SLC14A2: variants seen among roughly 807,000 people sequenced by gnomAD.
SLC14A2 encodes solute carrier family 14 member 2, also known as urea transporter 2.
SLC14A2 carries 91 observed loss-of-function variants against 104.6 expected under a neutral mutation model. That is an observed-to-expected ratio of 0.87 (90% CI 0.73 to 1.04). The LOEUF (loss-of-function observed/expected upper bound fraction) is 1.04, where lower values mean the gene tolerates loss of function less well. Ranked by LOEUF, SLC14A2 falls within the 50% of genes least tolerant of loss-of-function variation. SLC14A2 has a pLI of 0.00. For synonymous variants in SLC14A2, 476 were observed against 466.4 expected, an observed-to-expected ratio of 1.02 and a Z score of -0.27; for missense variants, 1,189 against 1,156.0, an observed-to-expected ratio of 1.03 and a Z score of -0.41.
intron 4 of SLC14A2, among the ~76,000 whole-genome samples, chr18:45,628,575 G>T (rs772563145): frequency 6.6e-6 from 1 of 152,104 alleles, no homozygotes; most frequent in African/African-American, 2.4e-5. Context: ...TGCTTCTGAT[G>T]GTCAGAGAAG....
At position 45,333,679 on chromosome 18, in the gene SLC14A2, A is replaced by G. The variant is rs916910556; in HGVS notation, c.-125+120488A>G. 5.3e-5 allele frequency among the ~76,000 whole-genome samples: 8 copies of G among 152,294 alleles called. No individual in the cohort carries two copies. In the East Asian group the frequency reaches 9.6e-4, roughly 18 times the overall value. Reference sequence around the variant, plus strand: ...AGGGGTGTAAACTCCTGCTCTGTCTAAAGGAGCTTATGCCACTTATAGCCA... The same window carrying G: ...AGGGGTGTAAACTCCTGCTCTGTCTGAAGGAGCTTATGCCACTTATAGCCA... On this transcript the variant is annotated intron_variant, in intron 1 of 20. Coordinates refer to the SLC14A2 transcript ENST00000586448.
the SLC14A2 span, among the ~76,000 whole-genome samples, chr18:45,177,549 G>A: frequency 1.3e-3 from 203 of 152,016 alleles, no homozygotes; most frequent in Non-Finnish European, 2.6e-3. Context: ...CCTGTTTCCC[G>A]CATCTGGAAT....
At chr18:45,244,875 CATCT>C (rs1262892502) in intron 1 of SLC14A2, among the ~76,000 whole-genome samples, 1 of 152,178 alleles carries the variant, frequency 6.6e-6, no homozygotes, top group Non-Finnish European at 1.5e-5. Flanking sequence ...TTCATTCATC[CATCT>C]GTCTATTCAT....
intron 1 of SLC14A2, among the ~76,000 whole-genome samples, chr18:45,343,696 T>C (rs1202664023): frequency 1.3e-5 from 2 of 152,224 alleles, no homozygotes; most frequent in African/African-American, 2.4e-5. Context: ...CTCTCTTGCC[T>C]TTGTGAAGCC....
At chr18:45,497,342 C>T (rs1598918123) in intron 2 of SLC14A2, among the ~76,000 whole-genome samples, 2 of 152,248 alleles carry the variant, frequency 1.3e-5, no homozygotes, top group South Asian at 4.2e-4. Context: ...CTGTGTTAGG[C>T]CAGTGAGGAT....
chr18:45,652,783 C>A (rs2045763155), intron 10 of SLC14A2, among the ~76,000 whole-genome samples: 1 of 152,136 alleles, frequency 6.6e-6, no homozygotes, highest in South Asian at 2.1e-4. Context: ...AAGATTATAT[C>A]TTGGCCTTCT....
intron 2 of SLC14A2, among the ~76,000 whole-genome samples, chr18:45,599,498 T>G (rs555849869): frequency 6.6e-6 from 1 of 152,332 alleles, no homozygotes; most frequent in Admixed American, 6.5e-5. Context: ...AGTCAGGACT[T>G]AGGAAGTGAG....
At chr18:45,645,380 C>A (rs1333490608) in intron 10 of SLC14A2, among the ~76,000 whole-genome samples, 1 of 151,900 alleles carries the variant, frequency 6.6e-6, no homozygotes, top group African/African-American at 2.4e-5. Context: ...TGGGACAAAT[C>A]AAACCAGCAT....
the SLC14A2 span, among the ~76,000 whole-genome samples, chr18:45,183,762 T>C: frequency 1.8e-4 from 28 of 151,824 alleles, no homozygotes; most frequent in African/African-American, 6.5e-4. Flanking sequence ...GACAGGGCCT[T>C]GCTCTGTGGC....
At chr18:45,634,782 G>A (rs565226193) in intron 5 of SLC14A2, 1 of 456,452 alleles carries the variant, frequency 2.2e-6, no homozygotes, top group Non-Finnish European at 4.4e-6. Context: ...GAGATGTGAT[G>A]GGATATGGTT....
intron 1 of SLC14A2, among the ~76,000 whole-genome samples, chr18:45,391,442 G>T (rs1483873561): frequency 2.0e-5 from 3 of 152,192 alleles, no homozygotes; most frequent in African/African-American, 7.2e-5. Flanking sequence ...TATATACCCA[G>T]TAATGGGATG....
intron 1 of SLC14A2, among the ~76,000 whole-genome samples, chr18:45,261,892 G>A (rs964972654): frequency 7.2e-5 from 11 of 152,310 alleles, no homozygotes; most frequent in Admixed American, 5.9e-4. Context: ...CTTTATAGCA[G>A]CATGATTTAT....
chr18:45,447,824 CT>C (rs1172754643), intron 1 of SLC14A2, among the ~76,000 whole-genome samples: 2 of 152,160 alleles, frequency 1.3e-5, no homozygotes, highest in Non-Finnish European at 2.9e-5. Flanking sequence ...CCTGAATTTT[CT>C]TTTAGTGGTA....
At chr18:45,416,913 G>C (rs1195261410) in intron 1 of SLC14A2, among the ~76,000 whole-genome samples, 1 of 152,208 alleles carries the variant, frequency 6.6e-6, no homozygotes, top group South Asian at 2.1e-4. Context: ...ATCATCTGAG[G>C]AGGGAAAATG....
intron 1 of SLC14A2, among the ~76,000 whole-genome samples, chr18:45,618,669 CAAAAAAAAA>C (rs60728655): frequency 0.19 from 9,366 of 50,616 alleles, 361 homozygotes; most frequent in South Asian, 0.32. Flanking sequence ...AACTCTGTCT[CAAAAAAAAA>C]AAAAAAAAAA....
chr18:45,404,085 TA>T (rs1404910685), intron 1 of SLC14A2, among the ~76,000 whole-genome samples: 11 of 152,228 alleles, frequency 7.2e-5, no homozygotes, highest in Non-Finnish European at 1.0e-4. Context: ...GTTTGGGCAT[TA>T]AAACTCTATT....
intron 1 of SLC14A2, among the ~76,000 whole-genome samples, chr18:45,225,224 C>T (rs12962641): frequency 0.31 from 47,137 of 151,792 alleles, 7,773 homozygotes; most frequent in African/African-American, 0.43. Context: ...AGCCAGTTTT[C>T]CCAGCACCAT....
chr18:45,584,465 T>C (rs1986406), intron 2 of SLC14A2, among the ~76,000 whole-genome samples: 41,188 of 152,120 alleles, frequency 0.27, 6,261 homozygotes, highest in South Asian at 0.36. Context: ...GCAGTTTTTT[T>C]CTCTGCACCA....
intron 10 of SLC14A2, among the ~76,000 whole-genome samples, chr18:45,663,381 A>AT (rs747729490): frequency 6.6e-6 from 1 of 152,148 alleles, no homozygotes; most frequent in African/African-American, 2.4e-5. Context: ...GAGCTCAGGC[A>AT]TTTTTTTAAA....
Sources: allele counts gnomAD v4.1 joint callset (sites outside exome capture counted in the v4.1 genomes callset), GRCh38; gene constraint gnomAD v4.1.1; transcripts MANE v1.5; gene names NCBI Gene and HGNC (gene_info 2026-07-23, HGNC 2026-07-21).